The following PSME3IP1 variants were observed in gnomAD, a reference collection of about 807,000 sequenced individuals.
The protein encoded by PSME3IP1 is PSME3-interacting protein.
A neutral mutation model predicts 34.1 loss-of-function variants in PSME3IP1; 13 were observed. That is an observed-to-expected ratio of 0.38 (90% CI 0.25 to 0.61). The LOEUF is 0.61. PSME3IP1 is among the 20% of genes least tolerant of loss of function. PSME3IP1 has a pLI of 0.60. For missense variants in PSME3IP1, 237 were observed against 301.4 expected, an observed-to-expected ratio of 0.79 and a Z score of 1.58; for synonymous variants, 93 against 114.3, an observed-to-expected ratio of 0.81 and a Z score of 1.19.
intron 5 of PSME3IP1, 38 bp downstream of exon 5, chr16:57,167,055 G>C: frequency 6.2e-7 from 1 of 1,610,384 alleles, no homozygotes; most frequent in Non-Finnish European, 8.5e-7. Context: ...AGAGTACACG[G>C]TCAGAGAGAA....
At chr16:57,167,531 A>G (rs1474623307) in intron 4 of PSME3IP1, among the ~76,000 whole-genome samples, 2 of 152,210 alleles carry the variant, frequency 1.3e-5, no homozygotes, top group African/African-American at 4.8e-5. Flanking sequence ...CTTGATGAGG[A>G]AAACAGATCT....
At chr16:57,173,649 C>A (rs1459860997) in intron 2 of PSME3IP1, 79 bp downstream of exon 2, 3 of 1,532,462 alleles carry the variant, frequency 2.0e-6, no homozygotes, top group Non-Finnish European at 1.8e-6. Context: ...ATAAATAAAA[C>A]CAAGTGAGGA....
intron 4 of PSME3IP1, 51 bp from the exon 5 acceptor site, chr16:57,167,277 T>A (rs1444276661): frequency 6.2e-7 from 1 of 1,606,564 alleles, no homozygotes; most frequent in Non-Finnish European, 8.5e-7. Flanking sequence ...ACAACAAATA[T>A]AACCCACTAG....
In PSME3IP1 at chr16:57,155,140, G is replaced by A. The variant is rs560440744; in HGVS notation, c.548-633C>T. 3.9e-5 allele frequency among the ~76,000 whole-genome samples: 6 copies of A among 152,340 alleles called. No individual in the cohort carries two copies. The South Asian group carries it at 1.0e-3, about 26-fold the overall frequency. On this transcript the variant is annotated intron_variant, in intron 6 of 6. Transcript: ENST00000309137. The stretch of plus-strand genomic sequence containing the variant: ...GCCGCTTTTCCCAAGTGGGAGAGAG[G>A]AGCAATTCAGAAACCAATTTAACAC...
chr16:57,176,512 T>G (rs1234074227), intron 1 of PSME3IP1, among the ~76,000 whole-genome samples: 1 of 152,250 alleles, frequency 6.6e-6, no homozygotes, highest in East Asian at 1.9e-4. Context: ...TAAGCAGATT[T>G]GACTGTTAGG....
chr16:57,154,174 T>G lies in PSME3IP1; in HGVS notation c.*116A>C. 1 of 789,902 alleles carries G rather than the reference T, an allele frequency of 1.3e-6. No homozygotes were observed. The highest frequency in any genetic ancestry group is 1.8e-5 in the South Asian group (1 of 55,846). 48.9% of individuals were successfully genotyped at this position (789,902 alleles called of 1,614,324 possible). A position where few individuals can be genotyped will look rare whatever the true frequency, so the allele number is the denominator to read the frequency against. On this transcript the variant is annotated 3_prime_UTR_variant, in exon 7 of 7. Coordinates refer to ENST00000309137, the MANE Select transcript of PSME3IP1 (RefSeq NM_024946.4). This position sits in a 1 kb window ranked among gnomAD's most constrained non-coding sequence, Gnocchi z 4.0. ...TAGATTGGATTGGTTAAAAATGTCATGTTGTACACAGGATGCAGGCAAAGG... is the reference window on the plus strand; with the variant it reads ...TAGATTGGATTGGTTAAAAATGTCAGGTTGTACACAGGATGCAGGCAAAGG...
At chr16:57,174,071 G>C in intron 1 of PSME3IP1, 1 of 481,138 alleles carries the variant, frequency 2.1e-6, no homozygotes, top group South Asian at 2.1e-5. Flanking sequence ...CGAGGCGCAT[G>C]GATCACGAGG....
chr16:57,165,589 A>C (rs2071773822), intron 5 of PSME3IP1, among the ~76,000 whole-genome samples: 1 of 152,164 alleles, frequency 6.6e-6, no homozygotes, highest in African/African-American at 2.4e-5. Context: ...TCACTCATGG[A>C]ACTTTGAAAA....
In PSME3IP1 at chr16:57,167,074, T is replaced by G; in HGVS notation, c.482+19A>C. On this transcript the variant is annotated intron_variant, in intron 5 of 6. Transcript: ENST00000309137. Reference sequence around the variant, plus strand: ...TACACGGTCAGAGAGAAATCTGAGTTGTGTGAGTGCTGACTAACCTCTTAT... The same window carrying G: ...TACACGGTCAGAGAGAAATCTGAGTGGTGTGAGTGCTGACTAACCTCTTAT... 2 of 1,612,040 alleles carry G rather than the reference T, an allele frequency of 1.2e-6. No individual in the cohort carries two copies. The highest frequency in any genetic ancestry group is 1.7e-6 in the Non-Finnish European group (2 of 1,179,796).
rs375211879 is a variant in PSME3IP1 at position 57,154,377 on chromosome 16, G to C, written c.678C>G (p.Ser226=). The change falls in exon 7 of 7, where the codon TCC becomes TCG. Residue 226 remains serine, a synonymous_variant. Coordinates refer to ENST00000309137, the MANE Select transcript of PSME3IP1 (RefSeq NM_024946.4). The surrounding 1 kb of genome is among the most constrained non-coding windows in gnomAD (Gnocchi z 4.0). The part of the protein sequence containing the change: ...GAYSGSSDSE[S]SSDSEGTINA... ...TGATGGTGCCTTCGCTGTCTGAGCT[G>C]GACTCGGAGTCGCTGCTCCCAGAGT... The C allele has an allele frequency of 3.7e-6, 6 of 1,613,984 alleles. No homozygotes were observed. The African/African-American group carries it at 8.0e-5, about 22-fold the overall frequency.
At chr16:57,172,604 T>C (rs1597708325) in intron 3 of PSME3IP1, among the ~76,000 whole-genome samples, 172 bp downstream of exon 3, 4 of 152,160 alleles carry the variant, frequency 2.6e-5, no homozygotes, top group Admixed American at 2.6e-4. Flanking sequence ...TAAACAAAAA[T>C]ATTCAATGTG....
chr16:57,170,154 CG>C (rs1316860014), intron 4 of PSME3IP1, among the ~76,000 whole-genome samples: 1 of 150,134 alleles, frequency 6.7e-6, no homozygotes, highest in Non-Finnish European at 1.5e-5. Flanking sequence ...GTGACCTTGG[CG>C]CACTGCAATC....
chr16:57,174,648 G>A (rs2073004309), intron 1 of PSME3IP1: 1 of 985,406 alleles, frequency 1.0e-6, no homozygotes, highest in Non-Finnish European at 1.2e-6. Context: ...AGATTAAGAT[G>A]GAGAATCTCA....
rs886345732 is a variant in PSME3IP1, at chr16:57,154,614, C to T, written c.548-107G>A. On this transcript the variant is annotated intron_variant, in intron 6 of 6. Transcript: ENST00000309137. This position sits in a 1 kb window ranked among gnomAD's most constrained non-coding sequence, Gnocchi z 4.0. The stretch of plus-strand genomic sequence containing the variant: ...CCAAGGGATTTTCCCACAGAGGAGC[C>T]TTAGAACAATGCTATGCAGCCAATA... 3.2e-6 allele frequency: 3 copies of T among 931,232 alleles called. No individual in the cohort carries two copies. The highest frequency in any genetic ancestry group is 3.4e-5 in the African/African-American group (2 of 59,586). The allele number at this position is 931,232 out of a possible 1,614,324, so 57.7% of individuals were successfully genotyped here.
intron 1 of PSME3IP1, 90 bp downstream of exon 1, chr16:57,185,731 C>A: frequency 2.0e-6 from 2 of 985,498 alleles, no homozygotes; most frequent in Non-Finnish European, 2.4e-6. Flanking sequence ...AGGCCTGGCC[C>A]TAACCCTAAC....
intron 5 of PSME3IP1, 151 bp downstream of exon 5, chr16:57,166,942 C>T: frequency 1.2e-6 from 1 of 830,920 alleles, no homozygotes; most frequent in Non-Finnish European, 1.9e-6. Context: ...TATAGAAGGC[C>T]TCAAATCTGG....
At chr16:57,178,499 T>A in intron 1 of PSME3IP1, 1 of 956,436 alleles carries the variant, frequency 1.0e-6, no homozygotes. Context: ...TTCAAATACT[T>A]ACTGAATAAA....
intron 4 of PSME3IP1, among the ~76,000 whole-genome samples, chr16:57,168,582 A>G (rs1342936795): frequency 6.6e-6 from 1 of 152,050 alleles, no homozygotes; most frequent in Non-Finnish European, 1.5e-5. Flanking sequence ...TGGGCAGATC[A>G]ACTGAGGTCG....
intron 6 of PSME3IP1, among the ~76,000 whole-genome samples, chr16:57,163,066 G>A (rs953619471): frequency 6.6e-6 from 1 of 152,188 alleles, no homozygotes; most frequent in African/African-American, 2.4e-5. Context: ...TCGGGAGGGT[G>A]AGGCAGGAGA....
Sources: gnomAD v4.1 joint callset for allele counts (sites outside exome capture counted in the v4.1 genomes callset) on GRCh38, gnomAD v4.1.1 for gene constraint, Gnocchi (gnomAD v3.1) non-coding constraint, MANE v1.5 for transcripts, NCBI Gene and HGNC (gene_info 2026-07-23, HGNC 2026-07-21) for gene names.